Variants in GRIN2A observed in about 807,000 individuals in gnomAD.
The protein encoded by GRIN2A is glutamate ionotropic receptor NMDA type subunit 2A, also known as glutamate receptor ionotropic, NMDA 2A.
A neutral mutation model predicts 113.4 loss-of-function variants in GRIN2A; 22 were observed. That is an observed-to-expected ratio of 0.19 (90% CI 0.14 to 0.28). The LOEUF is 0.28. Ranked by LOEUF, GRIN2A falls within the 10% of genes least tolerant of loss-of-function variation. GRIN2A has a pLI of 1.00. For synonymous variants in GRIN2A, 827 were observed against 738.4 expected, an observed-to-expected ratio of 1.12 and a Z score of -1.94; for missense variants, 1,502 against 1,887.0, an observed-to-expected ratio of 0.80 and a Z score of 3.78.
chr16:9,908,954 G>A (rs979621577), intron 3 of GRIN2A, among the ~76,000 whole-genome samples: 11 of 152,210 alleles, frequency 7.2e-5, no homozygotes, highest in Non-Finnish European at 1.5e-4. Flanking sequence ...AATTAAAGAT[G>A]CTGAGTGAGA....
At position 9,761,318 on chromosome 16, in the gene GRIN2A, A is replaced by T; in HGVS notation, c.*1831T>A. On this transcript the variant is annotated 3_prime_UTR_variant, in exon 13 of 13. Coordinates refer to ENST00000330684, the MANE Select transcript of GRIN2A (RefSeq NM_001134407.3). ...GCACACCATGAGGAGAAGAAATGGG[A>T]TAATTTTTCAACCTGCCACTTTATC... 2 of 229,122 alleles carry T rather than the reference A, an allele frequency of 8.7e-6. No individual in the cohort carries two copies. Among genetic ancestry groups the T allele is most frequent in the Non-Finnish European group, 1.7e-5 (2 of 115,498 alleles). 14.2% of individuals were successfully genotyped at this position (229,122 alleles called of 1,614,324 possible).
intron 10 of GRIN2A, among the ~76,000 whole-genome samples, chr16:9,804,408 A>C (rs1449431313): frequency 6.6e-6 from 1 of 151,984 alleles, no homozygotes; most frequent in Non-Finnish European, 1.5e-5. Flanking sequence ...CAGCTAAGGG[A>C]ACCCATTTAC....
At chr16:9,860,969 T>C (rs926165961) in intron 4 of GRIN2A, among the ~76,000 whole-genome samples, 1 of 152,106 alleles carries the variant, frequency 6.6e-6, no homozygotes, top group African/African-American at 2.4e-5. Context: ...CAATTCAGAG[T>C]TTAAAAAGGG....
chr16:10,173,746 G>A (rs1336798580), intron 2 of GRIN2A, among the ~76,000 whole-genome samples: 1 of 152,122 alleles, frequency 6.6e-6, no homozygotes, highest in Non-Finnish European at 1.5e-5. Flanking sequence ...ATTGTGGTAT[G>A]AACTGAACAC....
intron 10 of GRIN2A, among the ~76,000 whole-genome samples, chr16:9,809,484 C>T (rs1010430543): frequency 5.3e-5 from 8 of 151,324 alleles, no homozygotes; most frequent in East Asian, 3.9e-4. Flanking sequence ...AGAAATGGAA[C>T]GTACATCAAA....
At chr16:9,981,242 C>T (rs1372745481) in intron 2 of GRIN2A, among the ~76,000 whole-genome samples, 1 of 152,216 alleles carries the variant, frequency 6.6e-6, no homozygotes, top group African/African-American at 2.4e-5. Flanking sequence ...CAAGGCAGCA[C>T]TGCCATGCTG....
At position 9,938,109 on chromosome 16, in the gene GRIN2A, T is replaced by C; in HGVS notation, c.857A>G (p.Tyr286Cys). ...GTCCCTCACTCTCGCCTCCAGGCTG[T>C]AGTCCCAGTCATCGTAGGAGACAGA... The part of the protein sequence containing the change: ...LISVSYDDWD[Y>C]SLEARVRDGI... The change falls in exon 3 of 13, where the codon TAC (tyrosine) becomes TGC (cysteine). Residue 286 changes from tyrosine to cysteine, a missense_variant. Transcript: ENST00000330684. 1 of 1,614,066 alleles carries C rather than the reference T, an allele frequency of 6.2e-7. No individual in the cohort carries two copies. The highest frequency in any genetic ancestry group is 8.5e-7 in the Non-Finnish European group (1 of 1,179,954).
At chr16:10,174,795 T>C (rs576963449) in intron 2 of GRIN2A, among the ~76,000 whole-genome samples, 1 of 149,568 alleles carries the variant, frequency 6.7e-6, no homozygotes, top group South Asian at 2.1e-4. Context: ...AACTGGAGTA[T>C]AGAATTGAAG....
intron 2 of GRIN2A, among the ~76,000 whole-genome samples, chr16:10,064,233 C>T (rs1444698993): frequency 6.6e-6 from 1 of 152,094 alleles, no homozygotes; most frequent in Middle Eastern, 3.2e-3. Flanking sequence ...AAACAACCCC[C>T]AAAACTAGCC....
intron 2 of GRIN2A, among the ~76,000 whole-genome samples, chr16:10,122,862 C>A (rs555071014): frequency 6.6e-6 from 1 of 152,098 alleles, no homozygotes; most frequent in South Asian, 2.1e-4. Context: ...TCAAACAGAA[C>A]GACATACATC....
intron 2 of GRIN2A, among the ~76,000 whole-genome samples, chr16:10,004,581 C>G (rs544209033): frequency 8.5e-5 from 13 of 152,192 alleles, no homozygotes; most frequent in Admixed American, 5.9e-4. Flanking sequence ...GGGAAGAATC[C>G]AATTCCTTGC....
At chr16:9,966,657 T>C (rs2045561766) in intron 2 of GRIN2A, among the ~76,000 whole-genome samples, 2 of 152,176 alleles carry the variant, frequency 1.3e-5, no homozygotes, top group South Asian at 4.1e-4. Flanking sequence ...GATTGCTGGG[T>C]TGAATATTTC....
At chr16:10,008,130 G>A (rs1355496138) in intron 2 of GRIN2A, among the ~76,000 whole-genome samples, 3 of 152,086 alleles carry the variant, frequency 2.0e-5, no homozygotes, top group Non-Finnish European at 2.9e-5. Context: ...AGGAGGCAGG[G>A]AATGAAGGTA....
chr16:10,098,371 C>T (rs1478157821), intron 2 of GRIN2A, among the ~76,000 whole-genome samples: 3 of 152,200 alleles, frequency 2.0e-5, no homozygotes, highest in African/African-American at 7.2e-5. Context: ...TAAACTAGTA[C>T]AACCACTATG....
At chr16:9,839,320 TAC>T (rs2141337956) in intron 7 of GRIN2A, among the ~76,000 whole-genome samples, 1 of 152,042 alleles carries the variant, frequency 6.6e-6, no homozygotes, top group South Asian at 2.1e-4. Context: ...GGCTACCCAA[TAC>T]AGTCCAAGTG....
At chr16:9,889,370 T>C (rs964673200) in intron 4 of GRIN2A, among the ~76,000 whole-genome samples, 2 of 152,204 alleles carry the variant, frequency 1.3e-5, no homozygotes, top group African/African-American at 2.4e-5. Flanking sequence ...TGTGTGATCA[T>C]TATTGCTAGC....
chr16:10,114,471 A>G (rs1193895681), intron 2 of GRIN2A, among the ~76,000 whole-genome samples: 1 of 152,236 alleles, frequency 6.6e-6, no homozygotes, highest in African/African-American at 2.4e-5. Context: ...CGCCCACAGA[A>G]GAATCATAAC....
At chr16:10,010,339 C>T (rs1239367846) in intron 2 of GRIN2A, among the ~76,000 whole-genome samples, 1 of 152,178 alleles carries the variant, frequency 6.6e-6, no homozygotes, top group Non-Finnish European at 1.5e-5. Flanking sequence ...GAACCTTATT[C>T]CACAGACAGG....
intron 10 of GRIN2A, 64 bp downstream of exon 10, chr16:9,822,200 G>A (rs887800024): frequency 4.6e-6 from 7 of 1,523,724 alleles, no homozygotes; most frequent in Non-Finnish European, 6.4e-6. Context: ...GGCATGCCGA[G>A]AGTCAATTTC....
Sources: allele counts gnomAD v4.1 joint callset (sites outside exome capture counted in the v4.1 genomes callset), GRCh38; gene constraint gnomAD v4.1.1; transcripts MANE v1.5; gene names NCBI Gene and HGNC (gene_info 2026-07-23, HGNC 2026-07-21).